TNC: variants seen among roughly 807,000 people sequenced by gnomAD.
The protein encoded by TNC is tenascin C, also known as tenascin.
TNC carries 109 observed loss-of-function variants against 202.4 expected under a neutral mutation model. That is an observed-to-expected ratio of 0.54 (90% CI 0.46 to 0.63). TNC has a LOEUF of 0.63. Ranked by LOEUF, TNC falls within the 30% of genes least tolerant of loss-of-function variation. TNC has a pLI of 0.00. For synonymous variants in TNC, 1,007 were observed against 1,089.7 expected, an observed-to-expected ratio of 0.92 and a Z score of 1.50; for missense variants, 2,756 against 2,833.3, an observed-to-expected ratio of 0.97 and a Z score of 0.62.
chr9:115,095,546 GTA>G (rs1239126908), intron 1 of TNC, among the ~76,000 whole-genome samples: 6 of 1,970 alleles, frequency 3.0e-3, no homozygotes, highest in African/African-American at 8.1e-3. Flanking sequence ...GTATATATAT[GTA>G]TATATATGTA....
intron 1 of TNC, 135 bp downstream of exon 1, chr9:115,117,847 C>T (rs1212603866): frequency 7.2e-6 from 1 of 139,532 alleles, no homozygotes; most frequent in Non-Finnish European, 1.6e-5. Context: ...AATACACACT[C>T]CTTTTTTTTC....
chr9:115,050,112 A>G (rs960603025), intron 15 of TNC, among the ~76,000 whole-genome samples: 3 of 152,146 alleles, frequency 2.0e-5, no homozygotes, highest in African/African-American at 4.8e-5. Flanking sequence ...TTTTGTTTAG[A>G]TAAGTGGCAT....
chr9:115,092,465 T>C (rs754976571), intron 1 of TNC, among the ~76,000 whole-genome samples: 5 of 152,230 alleles, frequency 3.3e-5, no homozygotes, highest in Non-Finnish European at 5.9e-5. Context: ...AAAACAATGC[T>C]ATGGAGGCAT....
chr9:115,087,527 G>GGTGTGTGTGTGTGTGTGTGT (rs57327715), intron 2 of TNC, among the ~76,000 whole-genome samples: 1 of 148,734 alleles, frequency 6.7e-6, no homozygotes, highest in Non-Finnish European at 1.5e-5. Flanking sequence ...TATGCATAGG[G>GGTGTGTGTGTGTGTGTGTGT]GTGTGTGTGT....
chr9:115,031,915 TTAAAA>T (rs1829977932), intron 22 of TNC, among the ~76,000 whole-genome samples: 1 of 152,000 alleles, frequency 6.6e-6, no homozygotes, highest in Non-Finnish European at 1.5e-5. Context: ...GCAGAGCAAG[TTAAAA>T]TAATATAAGG....
At chr9:115,045,298 T>C (rs1170768508) in intron 17 of TNC, among the ~76,000 whole-genome samples, 1 of 152,196 alleles carries the variant, frequency 6.6e-6, no homozygotes, top group Non-Finnish European at 1.5e-5. Context: ...AGGTTTTTCC[T>C]TTTCTCTTTA....
intron 1 of TNC, among the ~76,000 whole-genome samples, chr9:115,095,490 A>G (rs1374664667): frequency 2.5e-4 from 5 of 20,166 alleles, no homozygotes; most frequent in East Asian, 1.1e-3. Context: ...GTATATATAT[A>G]TGTATATATA....
At chr9:115,097,086 A>G (rs1252481584) in intron 1 of TNC, among the ~76,000 whole-genome samples, 4 of 152,220 alleles carry the variant, frequency 2.6e-5, no homozygotes, top group Non-Finnish European at 5.9e-5. Flanking sequence ...TCCTTCAGCC[A>G]TCTAAACATT....
In TNC at chr9:115,019,897, G is replaced by T. The variant is rs1450743993; in HGVS notation, c.*1260C>A. 1 of 152,160 alleles carries T rather than the reference G, an allele frequency of 6.6e-6. No individual in the cohort carries two copies. 9.4% of individuals were successfully genotyped at this position (152,160 alleles called of 1,614,324 possible). A position where few individuals can be genotyped will look rare whatever the true frequency, so the allele number is the denominator to read the frequency against. The stretch of plus-strand genomic sequence containing the variant: ...CTCTGGGGATCTTAGCCCATGTGTG[G>T]TAACAATACTTACCTCAACTATATC... On this transcript the variant is annotated 3_prime_UTR_variant, in exon 28 of 28. Transcript: ENST00000350763.
At chr9:115,067,549 G>A (rs1035620349) in intron 10 of TNC, among the ~76,000 whole-genome samples, 2 of 152,092 alleles carry the variant, frequency 1.3e-5, no homozygotes, top group African/African-American at 4.8e-5. Context: ...CTTACGGGGG[G>A]TGGGGGAATG....
intron 15 of TNC, among the ~76,000 whole-genome samples, chr9:115,052,356 G>T (rs2132296873): frequency 6.6e-6 from 1 of 152,046 alleles, no homozygotes; most frequent in East Asian, 1.9e-4. Context: ...AGTTCAGTTA[G>T]ACAGAAGGAA....
chr9:115,047,375 TA>T (rs1469774087), intron 16 of TNC, among the ~76,000 whole-genome samples: 2 of 151,982 alleles, frequency 1.3e-5, no homozygotes, highest in Admixed American at 6.6e-5. Flanking sequence ...TTGCCTTAAC[TA>T]GACAAAACTC....
chr9:115,072,079 A>G (rs1238365460), intron 10 of TNC, among the ~76,000 whole-genome samples: 4 of 152,222 alleles, frequency 2.6e-5, no homozygotes, highest in Non-Finnish European at 5.9e-5. Flanking sequence ...CCTCAATTTT[A>G]TGTGGAAGTA....
intron 18 of TNC, among the ~76,000 whole-genome samples, chr9:115,041,882 T>C (rs999104065): frequency 6.6e-6 from 1 of 152,214 alleles, no homozygotes; most frequent in Non-Finnish European, 1.5e-5. Context: ...TATCCAAGAC[T>C]AGCTTTTCAG....
chr9:115,033,892 A>C (rs1235856000), intron 22 of TNC, among the ~76,000 whole-genome samples: 1 of 152,232 alleles, frequency 6.6e-6, no homozygotes, highest in Non-Finnish European at 1.5e-5. Context: ...ACTAAGGAGC[A>C]TGGGCAGAGC....
chr9:115,037,794 C>T (rs901478537), intron 20 of TNC, among the ~76,000 whole-genome samples: 8 of 152,190 alleles, frequency 5.3e-5, no homozygotes, highest in Non-Finnish European at 1.0e-4. Context: ...TCCCAAAGTG[C>T]TGGATTACAG....
chr9:115,055,133 G>T (rs1057409762), intron 15 of TNC, among the ~76,000 whole-genome samples: 1 of 152,072 alleles, frequency 6.6e-6, no homozygotes, highest in African/African-American at 2.4e-5. Context: ...TGATTAGAAC[G>T]ACCACAGGCA....
At chr9:115,112,766 C>A (rs894033724) in intron 1 of TNC, 1 of 152,676 alleles carries the variant, frequency 6.5e-6, no homozygotes, top group African/African-American at 2.4e-5. Flanking sequence ...ACAAAGCTCC[C>A]GCCTCCCTAA....
intron 17 of TNC, 116 bp downstream of exon 17, chr9:115,046,294 T>C (rs1244113530): frequency 2.5e-6 from 3 of 1,216,936 alleles, no homozygotes; most frequent in Non-Finnish European, 3.5e-6. Flanking sequence ...ATTGAAAGAG[T>C]CAGGATCAGA....
Sources: gnomAD v4.1 joint callset for allele counts (sites outside exome capture counted in the v4.1 genomes callset) on GRCh38, gnomAD v4.1.1 for gene constraint, MANE v1.5 for transcripts, NCBI Gene and HGNC (gene_info 2026-07-23, HGNC 2026-07-21) for gene names.